VRK3: variants seen among roughly 807,000 people sequenced by gnomAD.
VRK3 encodes serine/threonine-protein kinase VRK3.
Under a neutral mutation model 60.4 loss-of-function variants are expected in VRK3, and 50 were observed. That is an observed-to-expected ratio of 0.83 (90% CI 0.66 to 1.05). The LOEUF (loss-of-function observed/expected upper bound fraction) is 1.05, where lower values mean the gene tolerates loss of function less well. VRK3 is among the 50% of genes least tolerant of loss of function. The probability of loss-of-function intolerance (pLI) is 0.00; values close to 1 mark genes in which losing one functional copy is unlikely to be tolerated. For synonymous variants in VRK3, 246 were observed against 227.8 expected (o/e 1.08, Z -0.72); for missense variants, 549 against 585.3 (o/e 0.94, Z 0.64).
intron 6 of VRK3, chr19:50,000,275 T>A (rs1463192601): frequency 1.3e-5 from 2 of 157,854 alleles, no homozygotes; most frequent in Admixed American, 1.2e-4. Flanking sequence ...TTTCTCTATT[T>A]GTTTCCTTTT....
chr19:49,992,912 T>C lies in VRK3; in HGVS notation c.911A>G (p.His304Arg), dbSNP rs35261919. 2.5e-6 allele frequency: 4 copies of C among 1,613,820 alleles called. No homozygotes were observed. The highest frequency in any genetic ancestry group is 1.3e-5 in the African/African-American group (1 of 75,064). ...GATATTTTCAGCTGTCACATTTCCATGAACATACTCATTCTCATGGAGGAA... is the reference window on the plus strand; with the variant it reads ...GATATTTTCAGCTGTCACATTTCCACGAACATACTCATTCTCATGGAGGAA... ...LEFLHENEYVHGNVTAENIFV... is the reference protein window; with the variant it reads ...LEFLHENEYVRGNVTAENIFV... The change falls in exon 10 of 15, where the codon CAT (histidine) becomes CGT (arginine). Residue 304 changes from histidine (H) to arginine (R), a missense_variant. Coordinates refer to ENST00000316763, the MANE Select transcript of VRK3 (RefSeq NM_016440.4).
chr19:49,978,029 G>C (rs1445989121), intron 14 of VRK3, among the ~76,000 whole-genome samples: 1 of 152,178 alleles, frequency 6.6e-6, no homozygotes, highest in Non-Finnish European at 1.5e-5. Flanking sequence ...GCTGCGCCGG[G>C]AGACAGGCCG....
intron 2 of VRK3, 86 bp from the exon 3 acceptor site, chr19:50,016,249 G>GTA (rs2077076165): frequency 5.8e-6 from 9 of 1,558,106 alleles, no homozygotes; most frequent in Non-Finnish European, 7.0e-6. Flanking sequence ...TAATCACAGG[G>GTA]TGAGTGGCAG....
chr19:49,979,393 C>T lies in VRK3; in HGVS notation c.1277-151G>A, dbSNP rs1015264557. The T allele has an allele frequency of 2.6e-5, 29 of 1,116,384 alleles. No individual in the cohort carries two copies. The African/African-American group carries it at 4.1e-4, about 16-fold the overall frequency. The allele number at this position is 1,116,384 out of a possible 1,614,324, so 69.2% of individuals were successfully genotyped here. A position where few individuals can be genotyped will look rare whatever the true frequency, so the allele number is the denominator to read the frequency against. On this transcript the variant is annotated intron_variant, in intron 13 of 14. Transcript: ENST00000316763. ...CCCATTTTCTTGTTGCCTGGCATTG[C>T]CAGAGGACTTCAATTGTTTTTCAGT...
intron 4 of VRK3, among the ~76,000 whole-genome samples, chr19:50,008,348 G>C (rs1355556532): frequency 2.0e-5 from 3 of 152,144 alleles, no homozygotes; most frequent in African/African-American, 7.2e-5. Context: ...AGAGAATGGG[G>C]TGGGTGTGGT....
chr19:49,997,519 C>A lies in VRK3; in HGVS notation c.664G>T (p.Ala222Ser), dbSNP rs779344925. The change falls in exon 7 of 15, where the codon GCC (alanine) becomes TCC (serine). Residue 222 changes from alanine to serine, a missense_variant. Transcript: ENST00000316763. ...FNEQNFFQRA[A>S]KPLQVNKWKK... ...TGTCAGGTACCTTGCAGAGGCTTGG[C>A]GGCCCGCTGGAAGAAGTTCTGCTCA... The A allele has an allele frequency of 1.2e-6, 2 of 1,613,648 alleles. No homozygotes were observed. Among genetic ancestry groups the A allele is most frequent in the African/African-American group, 1.3e-5 (1 of 74,928 alleles).
In VRK3 at chr19:50,015,966, C is replaced by G. The variant is rs1309390530; in HGVS notation, c.139+58G>C. 1.2e-5 allele frequency: 19 copies of G among 1,607,016 alleles called. No homozygotes were observed. The East Asian group carries it at 4.2e-4, about 36-fold the overall frequency. On this transcript the variant is annotated intron_variant, in intron 3 of 14. Coordinates refer to ENST00000316763, the MANE Select transcript of VRK3 (RefSeq NM_016440.4). ...CAAAGGCATCCTCCCTCCGCAGACA[C>G]ACACGTGTATGCACCTTATTCCCAC...
intron 13 of VRK3, among the ~76,000 whole-genome samples, chr19:49,979,807 G>T (rs2076392541): frequency 6.6e-6 from 1 of 152,102 alleles, no homozygotes; most frequent in Non-Finnish European, 1.5e-5. Context: ...ACTTTGGGAG[G>T]CAGAGGCGGG....
intron 13 of VRK3, 56 bp downstream of exon 13, chr19:49,980,899 T>C: frequency 1.3e-6 from 2 of 1,540,786 alleles, no homozygotes; most frequent in African/African-American, 1.4e-5. Context: ...AAGATGGATC[T>C]GAGCCACCAG....
Position 50,002,995 on chromosome 19 carries a change from T to C in VRK3, c.548-2141A>G, listed in dbSNP as rs78255485. ...AGCACATATACGGCAGTGGCCGTTT[T>C]CCCGGCATCACTCTACTCATTTCAC... On this transcript the variant is annotated intron_variant, in intron 5 of 14. Transcript: ENST00000316763. Among the ~76,000 whole-genome samples, 1,082 of 152,290 alleles carry C rather than the reference T, an allele frequency of 7.1e-3. 9 individuals are homozygous for C. The highest frequency in any genetic ancestry group is 0.024 in the African/African-American group (1,015 of 41,558).
chr19:50,003,511 C>G (rs779973133), intron 5 of VRK3, among the ~76,000 whole-genome samples: 1 of 152,212 alleles, frequency 6.6e-6, no homozygotes, highest in Non-Finnish European at 1.5e-5. Context: ...TGACTGATGA[C>G]GGATGGTGGT....
chr19:49,978,111 C>T (rs528051674), intron 14 of VRK3, among the ~76,000 whole-genome samples: 16 of 152,250 alleles, frequency 1.1e-4, no homozygotes, highest in East Asian at 1.9e-4. Flanking sequence ...ACCACGGGGC[C>T]GGGGGATTCT....
At position 49,981,727 on chromosome 19, in the gene VRK3, T is replaced by C. The variant is rs114306356; in HGVS notation, c.1218-714A>G. ...AGATGGAAATAAAGATTTTATTACT[T>C]ACAGGTCCTGGGGGCACACCGCACA... is the stretch of plus-strand genomic sequence containing the variant. On this transcript the variant is annotated intron_variant, in intron 12 of 14. Coordinates refer to ENST00000316763, the MANE Select transcript of VRK3 (RefSeq NM_016440.4). The C allele has an allele frequency of 8.4e-4, 844 of 1,005,060 alleles. 7 individuals carry two copies. The African/African-American group carries it at 0.013, about 16-fold the overall frequency. The allele number at this position is 1,005,060 out of a possible 1,614,324, so 62.3% of individuals were successfully genotyped here.
intron 9 of VRK3, among the ~76,000 whole-genome samples, chr19:49,994,180 C>T (rs969529081): frequency 2.0e-5 from 3 of 152,180 alleles, no homozygotes; most frequent in Non-Finnish European, 4.4e-5. Context: ...GCAAACTGGG[C>T]CCTCTTACTC....
intron 3 of VRK3, among the ~76,000 whole-genome samples, chr19:50,013,900 C>T (rs2077034478): frequency 6.6e-6 from 1 of 152,182 alleles, no homozygotes; most frequent in Admixed American, 6.5e-5. Context: ...AGGATCATTG[C>T]ATAGAGGGAA....
intron 8 of VRK3, 87 bp from the exon 9 acceptor site, chr19:49,995,006 G>T: frequency 7.4e-7 from 1 of 1,356,948 alleles, no homozygotes; most frequent in Non-Finnish European, 1.0e-6. Context: ...TGCGTGGGCT[G>T]CAAGGTCCTG....
chr19:49,994,575 G>A (rs2076668029), intron 9 of VRK3, among the ~76,000 whole-genome samples: 1 of 152,192 alleles, frequency 6.6e-6, no homozygotes, highest in African/African-American at 2.4e-5. Flanking sequence ...CCTAATCTAA[G>A]CCTTCAGTTT....
intron 13 of VRK3, 79 bp downstream of exon 13, chr19:49,980,873 AAGG>A (rs10533547): frequency 0.076 from 98,917 of 1,305,854 alleles, 4,170 homozygotes; most frequent in Non-Finnish European, 0.085. Flanking sequence ...GAAGAGGTGT[AAGG>A]AGAAGCCACC....
chr19:49,995,110 G>C, intron 8 of VRK3, 81 bp downstream of exon 8: 1 of 1,490,898 alleles, frequency 6.7e-7, no homozygotes, highest in East Asian at 2.3e-5. Context: ...CCACGGCTTC[G>C]GGGTCCCAGC....
Sources: allele counts gnomAD v4.1 joint callset (sites outside exome capture counted in the v4.1 genomes callset), GRCh38; gene constraint gnomAD v4.1.1; transcripts MANE v1.5; gene names NCBI Gene and HGNC (gene_info 2026-07-23, HGNC 2026-07-21).